The following CLNK variants were observed in gnomAD, a reference collection of about 807,000 sequenced individuals.
CLNK encodes cytokine-dependent hematopoietic cell linker.
CLNK carries 74 observed loss-of-function variants against 68.6 expected under a neutral mutation model. The ratio of observed to expected loss-of-function variants is 1.08; its 90% CI spans 0.89 to 1.31. CLNK has a LOEUF of 1.31. Ranked by LOEUF, CLNK falls within the 50% of genes most tolerant of loss-of-function variation. The probability of loss-of-function intolerance (pLI) is 0.00; values close to 1 mark genes in which losing one functional copy is unlikely to be tolerated. For missense variants in CLNK, 553 were observed against 515.3 expected (o/e 1.07, Z -0.71); for synonymous variants, 198 against 172.2 (o/e 1.15, Z -1.17).
intron 15 of CLNK, among the ~76,000 whole-genome samples, chr4:10,516,110 G>A (rs776450272): frequency 1.1e-4 from 16 of 151,874 alleles, no homozygotes; most frequent in Non-Finnish European, 2.2e-4. Context: ...TGAAGTATAA[G>A]GAGGAATACC....
At chr4:10,498,534 C>T (rs980939227) in intron 18 of CLNK, among the ~76,000 whole-genome samples, 2 of 151,936 alleles carry the variant, frequency 1.3e-5, no homozygotes, top group African/African-American at 4.8e-5. Context: ...ATAATGCTTT[C>T]CTAAAGATGA....
the CLNK span, among the ~76,000 whole-genome samples, chr4:10,727,620 T>G: frequency 2.0e-5 from 3 of 152,218 alleles, no homozygotes; most frequent in Admixed American, 2.0e-4. Flanking sequence ...TTCCTGGGTA[T>G]AGACCTAGAG....
chr4:10,633,474 C>T (rs935696080), intron 2 of CLNK, among the ~76,000 whole-genome samples: 1 of 152,248 alleles, frequency 6.6e-6, no homozygotes, highest in African/African-American at 2.4e-5. Flanking sequence ...CATCTACATT[C>T]TCCCATTTAA....
At chr4:10,714,709 T>C in the CLNK span, among the ~76,000 whole-genome samples, 7 of 145,562 alleles carry the variant, frequency 4.8e-5, no homozygotes, top group East Asian at 4.0e-4. Context: ...TGTGTGTGTG[T>C]GTGCGTGTGA....
chr4:10,693,237 T>G, the CLNK span, among the ~76,000 whole-genome samples: 1 of 152,180 alleles, frequency 6.6e-6, no homozygotes, highest in African/African-American at 2.4e-5. Context: ...GAAAAGACTC[T>G]CCTAAAGAAA....
chr4:10,689,651 A>G (rs1030793387), upstream of CLNK, among the ~76,000 whole-genome samples: 3 of 151,948 alleles, frequency 2.0e-5, no homozygotes, highest in African/African-American at 7.3e-5. Context: ...AACACAAAAC[A>G]GAACTATTGA....
intron 1 of CLNK, among the ~76,000 whole-genome samples, chr4:10,679,384 T>C (rs1560276543): frequency 6.6e-6 from 1 of 152,208 alleles, no homozygotes; most frequent in Non-Finnish European, 1.5e-5. Flanking sequence ...ATGAAAGACT[T>C]ACATGTTAGA....
intron 18 of CLNK, among the ~76,000 whole-genome samples, chr4:10,495,680 G>T (rs1716774673): frequency 6.6e-6 from 1 of 152,136 alleles, no homozygotes; most frequent in African/African-American, 2.4e-5. Flanking sequence ...CTGAGAAGGG[G>T]TGCTTATCCG....
At chr4:10,579,845 G>A (rs1720710741) in intron 4 of CLNK, among the ~76,000 whole-genome samples, 1 of 152,110 alleles carries the variant, frequency 6.6e-6, no homozygotes. Context: ...ATATTAAAAG[G>A]CTAGGGTAGG....
At chr4:10,715,087 A>G in the CLNK span, among the ~76,000 whole-genome samples, 1 of 152,292 alleles carries the variant, frequency 6.6e-6, no homozygotes, top group African/African-American at 2.4e-5. Context: ...AATACTTTCA[A>G]TTAAAAATCA....
chr4:10,567,224 G>A (rs1003972811), intron 5 of CLNK, among the ~76,000 whole-genome samples: 1 of 151,842 alleles, frequency 6.6e-6, no homozygotes, highest in African/African-American at 2.4e-5. Flanking sequence ...ATGTGGTATT[G>A]GTAGTAAGAT....
At chr4:10,725,857 AAAAAAAAG>A in the CLNK span, among the ~76,000 whole-genome samples, 1 of 151,818 alleles carries the variant, frequency 6.6e-6, no homozygotes, top group South Asian at 2.1e-4. Context: ...CCGTCTAAAA[AAAAAAAAG>A]AAAAAAGAAA....
the CLNK span, among the ~76,000 whole-genome samples, chr4:10,706,902 G>A: frequency 2.0e-5 from 3 of 152,282 alleles, no homozygotes; most frequent in Admixed American, 1.3e-4. Context: ...GTGATGGGAA[G>A]GGAAGTTGAA....
chr4:10,540,726 G>C, intron 10 of CLNK, 122 bp from the exon 11 acceptor site: 1 of 679,666 alleles, frequency 1.5e-6, no homozygotes, highest in Admixed American at 2.4e-5. Context: ...GCTAGTTTTT[G>C]GATGCTAACT....
chr4:10,711,442 T>C, the CLNK span, among the ~76,000 whole-genome samples: 1 of 152,204 alleles, frequency 6.6e-6, no homozygotes, highest in South Asian at 2.1e-4. Flanking sequence ...TTTTGAAATA[T>C]AAAAAGTATA....
the CLNK span, among the ~76,000 whole-genome samples, chr4:10,719,763 T>C: frequency 6.6e-6 from 1 of 152,164 alleles, no homozygotes; most frequent in Admixed American, 6.5e-5. Context: ...GATGGCAGAA[T>C]AACATTCTTC....
chr4:10,583,339 T>G (rs984686040), intron 4 of CLNK, among the ~76,000 whole-genome samples: 1 of 151,812 alleles, frequency 6.6e-6, no homozygotes. Context: ...CAGGCTGGAG[T>G]GCAGTGGGGT....
chr4:10,728,923 C>T, the CLNK span, among the ~76,000 whole-genome samples: 1,180 of 152,098 alleles, frequency 7.8e-3, 4 homozygotes, highest in Non-Finnish European at 0.013. Flanking sequence ...TTAGCATATA[C>T]CTTTGATATT....
chr4:10,689,577 TG>T (rs1165581748), upstream of CLNK, among the ~76,000 whole-genome samples: 1 of 152,136 alleles, frequency 6.6e-6, no homozygotes, highest in Non-Finnish European at 1.5e-5. Context: ...GTCAGGCAGC[TG>T]GTCTCAGGTG....
Sources: allele counts gnomAD v4.1 joint callset (sites outside exome capture counted in the v4.1 genomes callset), GRCh38; gene constraint gnomAD v4.1.1; transcripts MANE v1.5; gene names NCBI Gene and HGNC (gene_info 2026-07-23, HGNC 2026-07-21).